Variants in NOB1 observed in about 807,000 individuals in gnomAD.
NOB1 encodes the protein RNA-binding protein NOB1.
In NOB1, 44 loss-of-function variants were observed where a neutral mutation model predicts 44.8. The ratio of observed to expected loss-of-function variants is 0.98; its 90% confidence interval spans 0.77 to 1.26. NOB1 has a LOEUF of 1.26. NOB1 is among the 50% of genes most tolerant of loss of function. The pLI is 0.00. For missense variants in NOB1, 560 were observed against 544.8 expected (o/e 1.03, Z -0.28); for synonymous variants, 238 against 218.7 (o/e 1.09, Z -0.78).
chr16:69,748,131 C>G (rs2038448606), intron 7 of NOB1, 101 bp downstream of exon 7: 11 of 851,306 alleles, frequency 1.3e-5, no homozygotes, highest in Non-Finnish European at 2.0e-5. Context: ...TACCACTGCA[C>G]TCCAGCCTAG....
intron 8 of NOB1, among the ~76,000 whole-genome samples, chr16:69,744,003 A>G (rs2038407308): frequency 6.6e-6 from 1 of 152,252 alleles, no homozygotes; most frequent in Admixed American, 6.5e-5. Context: ...GTACATGATT[A>G]ACCCTGGGAA....
At chr16:69,748,671 T>TG in intron 6 of NOB1, 1 of 528,492 alleles carries the variant, frequency 1.9e-6, no homozygotes, top group South Asian at 3.0e-5. Context: ...TTATATATAC[T>TG]GAAAAAAAAA....
chr16:69,750,498 A>G (rs2038473928), intron 3 of NOB1, among the ~76,000 whole-genome samples: 3 of 151,934 alleles, frequency 2.0e-5, no homozygotes, highest in Admixed American at 2.0e-4. Context: ...ATGGTGGTGT[A>G]CACCTACAGT....
rs1476970336 is a variant in NOB1 at position 69,742,559 on chromosome 16, G to T, written c.1012C>A (p.Pro338Thr). ...TPKGGKYAIN[P>T]HLTEDQRFPQ... ...AAGCGCTGATCCTCGGTGAGATGGG[G>T]GTTGATGGCGTATTTGCCCCCTTTG... is the stretch of plus-strand genomic sequence containing the variant. The change falls in exon 9 of 9, where the codon CCC (proline) becomes ACC (threonine). Residue 338 changes from proline (P) to threonine (T), a missense_variant. Coordinates refer to ENST00000268802, the MANE Select transcript of NOB1 (RefSeq NM_014062.3). The T allele has an allele frequency of 1.2e-6, 2 of 1,614,158 alleles. No individual in the cohort carries two copies. The highest frequency in any genetic ancestry group is 1.1e-5 in the South Asian group (1 of 91,082).
chr16:69,744,852 A>C, intron 8 of NOB1, 21 bp downstream of exon 8: 1 of 1,609,206 alleles, frequency 6.2e-7, no homozygotes, highest in Non-Finnish European at 8.5e-7. Flanking sequence ...TTGGGAGGGG[A>C]CTGGGAGAGG....
In NOB1 at chr16:69,745,005, G is replaced by A. The variant is rs761669798; in HGVS notation, c.837C>T (p.Asp279=). 3.1e-6 allele frequency: 5 copies of A among 1,614,130 alleles called. 1 individual carries two copies. In the South Asian group the frequency reaches 5.5e-5, roughly 18 times the overall value. Residue 279 remains aspartate, a synonymous_variant, in exon 8 of 9, where the codon GAC becomes GAT. Coordinates refer to ENST00000268802, the MANE Select transcript of NOB1 (RefSeq NM_014062.3). ...RCHGCFKTTS[D]MSRVFCSHCG... is the part of the protein sequence containing the mutation. Reference sequence around the variant, plus strand: ...AGTGTGAGCAGAACACTCGGCTCATGTCAGACGTTGTCCTGGGAGACACAA... The same window carrying A: ...AGTGTGAGCAGAACACTCGGCTCATATCAGACGTTGTCCTGGGAGACACAA...
chr16:69,743,868 T>C (rs962950132), intron 8 of NOB1, among the ~76,000 whole-genome samples: 14 of 152,198 alleles, frequency 9.2e-5, no homozygotes, highest in African/African-American at 2.7e-4. Context: ...TTCTTGATTT[T>C]GATAATTACA....
rs1405616927 is a variant in NOB1 at position 69,742,573 on chromosome 16, T to C, written c.998A>G (p.Lys333Arg). The change falls in exon 9 of 9, where the codon AAA (lysine) becomes AGA (arginine). Residue 333 changes from lysine (K) to arginine (R), a missense_variant. Lys to Arg is a conservative substitution (Grantham distance 26, BLOSUM62 2). Transcript: ENST00000268802. ...GGTGAGATGGGGGTTGATGGCGTAT[T>C]TGCCCCCTTTGGGAGTGGGAAGCGA... ...RYSLPTPKGGKYAINPHLTED... is the reference protein window; with the variant it reads ...RYSLPTPKGGRYAINPHLTED... 1.9e-6 allele frequency: 3 copies of C among 1,614,032 alleles called. No homozygotes were observed. Among genetic ancestry groups the C allele is most frequent in the Non-Finnish European group, 2.5e-6 (3 of 1,179,998 alleles).
chr16:69,747,473 T>G (rs959246023), intron 7 of NOB1, among the ~76,000 whole-genome samples: 1 of 152,156 alleles, frequency 6.6e-6, no homozygotes, highest in Non-Finnish European at 1.5e-5. Context: ...CTCTTCTTTT[T>G]GTAAACAGAA....
chr16:69,748,157 T>C (rs2038448749), intron 7 of NOB1, 75 bp downstream of exon 7: 1 of 1,136,754 alleles, frequency 8.8e-7, no homozygotes, highest in Non-Finnish European at 1.3e-6. Context: ...AGAGCGAGAC[T>C]GTTTCTCAAA....
At chr16:69,747,656 T>C (rs1355032808) in intron 7 of NOB1, among the ~76,000 whole-genome samples, 1 of 152,016 alleles carries the variant, frequency 6.6e-6, no homozygotes, top group African/African-American at 2.4e-5. Context: ...GACAAACATT[T>C]CGGTATGTAC....
intron 8 of NOB1, among the ~76,000 whole-genome samples, chr16:69,744,230 A>C (rs1042062391): frequency 5.9e-5 from 9 of 152,196 alleles, no homozygotes; most frequent in Non-Finnish European, 8.8e-5. Flanking sequence ...CTGAGGCAGG[A>C]GAATCGCTTG....
chr16:69,745,132 A>G, intron 7 of NOB1, 115 bp from the exon 8 acceptor site: 1 of 1,050,214 alleles, frequency 9.5e-7, no homozygotes. Context: ...GCTGAACCGC[A>G]CCACACATGT....
chr16:69,746,735 G>A (rs555472300), intron 7 of NOB1, among the ~76,000 whole-genome samples: 1 of 152,154 alleles, frequency 6.6e-6, no homozygotes, highest in South Asian at 2.1e-4. Flanking sequence ...GTGAAACCCT[G>A]TCACTACTAA....
At chr16:69,746,520 C>A (rs1272759764) in intron 7 of NOB1, among the ~76,000 whole-genome samples, 2 of 152,238 alleles carry the variant, frequency 1.3e-5, no homozygotes, top group African/African-American at 2.4e-5. Context: ...AACAGTTCAC[C>A]CGATAGGCAC....
chr16:69,751,547 T>C (rs1024348808), intron 3 of NOB1, among the ~76,000 whole-genome samples: 1 of 151,556 alleles, frequency 6.6e-6, no homozygotes, highest in African/African-American at 2.4e-5. Context: ...CCAATTGCAA[T>C]GTATGAACCT....
chr16:69,743,374 C>G (rs2038401285), intron 8 of NOB1, among the ~76,000 whole-genome samples: 1 of 152,154 alleles, frequency 6.6e-6, no homozygotes, highest in Admixed American at 6.5e-5. Flanking sequence ...ATAATATATA[C>G]AAAGTCTCAG....
chr16:69,742,181 C>T lies in NOB1; in HGVS notation c.*151G>A. ...ATGGGACAGTCCAGTTCCCTGCAGA[C>T]CCAGCGGGGCATGGGCGGACAGAGC... On this transcript the variant is annotated 3_prime_UTR_variant, in exon 9 of 9. Coordinates refer to ENST00000268802, the MANE Select transcript of NOB1 (RefSeq NM_014062.3). The T allele has an allele frequency of 5.0e-6, 5 of 993,890 alleles. No individual in the cohort carries two copies. The highest frequency in any genetic ancestry group is 7.4e-6 in the Non-Finnish European group (5 of 678,680). 61.6% of individuals were successfully genotyped at this position (993,890 alleles called of 1,614,324 possible).
intron 6 of NOB1, 151 bp from the exon 7 acceptor site, chr16:69,748,480 A>C: frequency 1.5e-6 from 1 of 654,904 alleles, no homozygotes; most frequent in Non-Finnish European, 2.7e-6. Context: ...AGATGTGTAA[A>C]CGAGGACGAA....
Sources: gnomAD v4.1 joint callset for allele counts (sites outside exome capture counted in the v4.1 genomes callset) on GRCh38, gnomAD v4.1.1 for gene constraint, MANE v1.5 for transcripts, NCBI Gene and HGNC (gene_info 2026-07-23, HGNC 2026-07-21) for gene names.